Variants in MALRD1 observed in about 807,000 individuals in gnomAD.
The protein encoded by MALRD1 is MAM and LDL-receptor class A domain-containing protein 1.
Under a neutral mutation model 242.1 loss-of-function variants are expected in MALRD1, and 247 were observed. The ratio of observed to expected loss-of-function variants is 1.02; its 90% CI spans 0.92 to 1.13. The LOEUF (loss-of-function observed/expected upper bound fraction) is 1.13, where lower values mean the gene tolerates loss of function less well. MALRD1 is among the 50% of genes most tolerant of loss of function. The pLI is 0.00. For synonymous variants in MALRD1, 995 were observed against 866.6 expected (o/e 1.15, Z -2.60); for missense variants, 2,989 against 2,533.1 (o/e 1.18, Z -3.86).
rs1358772023 is a variant in MALRD1 at position 19,209,367 on chromosome 10, C to A, written c.2678C>A (p.Thr893Lys). 27 of 1,550,816 alleles carry A rather than the reference C, an allele frequency of 1.7e-5. No homozygotes were observed. Among genetic ancestry groups the A allele is most frequent in the Non-Finnish European group, 2.4e-5 (27 of 1,147,072 alleles). Residue 893 changes from threonine to lysine, a missense_variant, in exon 18 of 40, where the codon ACA becomes AAA. Physicochemically the swap from Thr to Lys is moderately conservative, Grantham distance 78 (BLOSUM62 -1). Transcript: ENST00000454679. Reference sequence around the variant, plus strand: ...ACCAGGAGCCAGGGTCCAACTCCAACACTTAACACAGGGCCAATGAAAGAT... The same window carrying A: ...ACCAGGAGCCAGGGTCCAACTCCAAAACTTAACACAGGGCCAATGAAAGAT... ...DWTRSQGPTPTLNTGPMKDNT... is the reference protein window; with the variant it reads ...DWTRSQGPTPKLNTGPMKDNT...
chr10:19,109,658 G>C (rs1052727969), intron 5 of MALRD1, among the ~76,000 whole-genome samples: 1 of 152,230 alleles, frequency 6.6e-6, no homozygotes, highest in African/African-American at 2.4e-5. Flanking sequence ...CTACCAAGTG[G>C]GAGCACAGTG....
At position 19,627,893 on chromosome 10, in the gene MALRD1, A is replaced by T. The variant is rs549247292; in HGVS notation, c.6137+11970A>T. Among the ~76,000 whole-genome samples the T allele has an allele frequency of 3.0e-4, 46 of 152,256 alleles. No homozygotes were observed. In the South Asian group the frequency reaches 7.2e-3, roughly 24 times the overall value. On this transcript the variant is annotated intron_variant, in intron 36 of 39. Coordinates refer to ENST00000454679, the MANE Select transcript of MALRD1 (RefSeq NM_001142308.3). ...TCAAACAATAAAAATTATGTAACAG[A>T]TAAACTAGACACACATTATTTACAG...
At chr10:19,172,860 T>A (rs1161269836) in intron 13 of MALRD1, among the ~76,000 whole-genome samples, 1 of 152,044 alleles carries the variant, frequency 6.6e-6, no homozygotes, top group Non-Finnish European at 1.5e-5. Flanking sequence ...TTAATGGTAT[T>A]AAACACAATA....
chr10:19,646,912 A>G (rs948272093), intron 36 of MALRD1, among the ~76,000 whole-genome samples: 3 of 152,198 alleles, frequency 2.0e-5, no homozygotes, highest in African/African-American at 7.2e-5. Flanking sequence ...TGTAATCCTT[A>G]ACTGAAAACT....
intron 18 of MALRD1, among the ~76,000 whole-genome samples, chr10:19,240,958 A>G (rs1838739867): frequency 6.6e-6 from 1 of 152,020 alleles, no homozygotes; most frequent in Non-Finnish European, 1.5e-5. Flanking sequence ...TGTCGAAGTC[A>G]GTTCACTTGT....
At chr10:19,697,596 C>T (rs573968857) in intron 38 of MALRD1, among the ~76,000 whole-genome samples, 5 of 152,186 alleles carry the variant, frequency 3.3e-5, no homozygotes, top group African/African-American at 7.2e-5. Flanking sequence ...CCAGCAAGAG[C>T]GTTCCAAAAT....
chr10:19,424,111 G>GTACA (rs1833816713), intron 28 of MALRD1, among the ~76,000 whole-genome samples: 2 of 152,202 alleles, frequency 1.3e-5, no homozygotes, highest in South Asian at 4.1e-4. Flanking sequence ...TCTAGCTCAT[G>GTACA]TGTGTTTCTG....
chr10:19,719,028 C>T (rs73597604), intron 38 of MALRD1, among the ~76,000 whole-genome samples: 6 of 150,164 alleles, frequency 4.0e-5, no homozygotes, highest in African/African-American at 1.5e-4. Context: ...CTGGTCATGG[C>T]GGTACGTGGC....
At position 19,540,625 on chromosome 10, in the gene MALRD1, G is replaced by A. The variant is rs557119853; in HGVS notation, c.5478+9274G>A. 7.9e-5 allele frequency among the ~76,000 whole-genome samples: 12 copies of A among 152,158 alleles called. No homozygotes were observed. In the South Asian group the frequency reaches 2.5e-3, roughly 32 times the overall value. On this transcript the variant is annotated intron_variant, in intron 32 of 39. Coordinates refer to ENST00000454679, the MANE Select transcript of MALRD1 (RefSeq NM_001142308.3). ...GTTAATGAGCTGCTAAAAAGGCTCT[G>A]GTTATTCTCATGAGATGTTACTATA...
intron 26 of MALRD1, among the ~76,000 whole-genome samples, chr10:19,382,493 A>G (rs951589136): frequency 6.6e-6 from 1 of 152,196 alleles, no homozygotes; most frequent in Non-Finnish European, 1.5e-5. Flanking sequence ...ATCACAAACT[A>G]GAAGGCATAG....
intron 29 of MALRD1, among the ~76,000 whole-genome samples, chr10:19,482,011 G>T (rs1242872101): frequency 1.3e-5 from 2 of 151,636 alleles, no homozygotes; most frequent in Admixed American, 6.6e-5. Context: ...ACATGTTTCT[G>T]GCATGAATAA....
chr10:19,706,590 G>A (rs575331411), intron 38 of MALRD1, among the ~76,000 whole-genome samples: 6 of 152,078 alleles, frequency 3.9e-5, no homozygotes, highest in South Asian at 2.1e-4. Flanking sequence ...GACCTCAGGT[G>A]ATCTGCCCAC....
intron 5 of MALRD1, among the ~76,000 whole-genome samples, chr10:19,113,817 A>ACACT (rs1455704383): frequency 1.4e-5 from 2 of 146,756 alleles, no homozygotes; most frequent in Non-Finnish European, 1.5e-5. Flanking sequence ...ACACACACAC[A>ACACT]CACACACACA....
chr10:19,330,713 T>C (rs1237108399), intron 23 of MALRD1, among the ~76,000 whole-genome samples: 1 of 152,216 alleles, frequency 6.6e-6, no homozygotes, highest in Non-Finnish European at 1.5e-5. Context: ...TGATTCCTGT[T>C]ACTATTCTTC....
At chr10:19,303,187 A>T (rs1053224800) in intron 21 of MALRD1, among the ~76,000 whole-genome samples, 1 of 151,690 alleles carries the variant, frequency 6.6e-6, no homozygotes, top group Admixed American at 6.6e-5. Flanking sequence ...TGAAAATAGT[A>T]TGGTAAAAAG....
chr10:19,331,411 G>A lies in MALRD1; in HGVS notation c.3730G>A (p.Val1244Ile). Residue 1244 changes from valine to isoleucine, a missense_variant, in exon 24 of 40, where the codon GTA becomes ATA. Val to Ile is a conservative substitution (Grantham distance 29). Coordinates refer to ENST00000454679, the MANE Select transcript of MALRD1 (RefSeq NM_001142308.3). ...AKRGISYIGD[V>I]AVDDISFQDC... ...ACGTGGTATCAGTTACATAGGAGAT[G>A]TAGCAGTGGATGATATTTCCTTCCA... The A allele has an allele frequency of 1.9e-6, 3 of 1,550,440 alleles. No homozygotes were observed. The highest frequency in any genetic ancestry group is 2.6e-6 in the Non-Finnish European group (3 of 1,146,876).
chr10:19,461,191 G>A (rs966288794), intron 29 of MALRD1, among the ~76,000 whole-genome samples: 8 of 152,132 alleles, frequency 5.3e-5, no homozygotes, highest in African/African-American at 1.9e-4. Flanking sequence ...TTTAAGAGGG[G>A]AATAAGAATG....
At chr10:19,123,326 A>G (rs191194166) in intron 5 of MALRD1, among the ~76,000 whole-genome samples, 166 bp from the exon 6 acceptor site, 2 of 112,928 alleles carry the variant, frequency 1.8e-5, no homozygotes, top group East Asian at 5.8e-4. Context: ...TGTGTGTGTG[A>G]GAGAGAGAGA....
At position 19,699,905 on chromosome 10, in the gene MALRD1, CTG is replaced by C. The variant is rs543945924; in HGVS notation, c.6314+7352_6314+7353del. On this transcript the variant is annotated intron_variant, in intron 38 of 39. Transcript: ENST00000454679. ...CTCCCACCAGGCCCCACCTCCAACA[CTG>C]GGGATTACAATTCAACATGAGATTT... is the stretch of plus-strand genomic sequence containing the variant. Among the ~76,000 whole-genome samples the C allele has an allele frequency of 2.0e-3, 303 of 152,158 alleles. 1 individual carries two copies. The highest frequency in any genetic ancestry group is 3.4e-3 in the Middle Eastern group (1 of 294).
Sources: gnomAD v4.1 joint callset for allele counts (sites outside exome capture counted in the v4.1 genomes callset) on GRCh38, gnomAD v4.1.1 for gene constraint, MANE v1.5 for transcripts, NCBI Gene and HGNC (gene_info 2026-07-23, HGNC 2026-07-21) for gene names.